The following PPM1A variants were observed in gnomAD, a reference collection of about 807,000 sequenced individuals.
PPM1A encodes protein phosphatase 1A.
Under a neutral mutation model 35.0 loss-of-function variants are expected in PPM1A, and 7 were observed. The ratio of observed to expected loss-of-function variants is 0.20; its 90% CI spans 0.11 to 0.38. The LOEUF is 0.38. Among genes scored for constraint, PPM1A ranks in the 10% least tolerant of loss-of-function variants. The pLI, the probability that PPM1A is intolerant of heterozygous loss-of-function variation, is 1.00. For missense variants in PPM1A, 239 were observed against 467.8 expected, an observed-to-expected ratio of 0.51 and a Z score of 4.51; for synonymous variants, 153 against 167.3, an observed-to-expected ratio of 0.91 and a Z score of 0.66.
chr14:60,269,605 A>G (rs1319586873), intron 1 of PPM1A, among the ~76,000 whole-genome samples: 2 of 151,856 alleles, frequency 1.3e-5, no homozygotes, highest in Non-Finnish European at 2.9e-5. Context: ...CTGGAGTGCA[A>G]TGGTGCGATC....
At chr14:60,265,715 G>C (rs956013946) in intron 1 of PPM1A, among the ~76,000 whole-genome samples, 3 of 152,188 alleles carry the variant, frequency 2.0e-5, no homozygotes, top group African/African-American at 7.2e-5. Context: ...TTGAGGGGCT[G>C]CGTCTGGTGA....
chr14:60,281,286 A>G (rs183259534), intron 1 of PPM1A, among the ~76,000 whole-genome samples: 6 of 152,328 alleles, frequency 3.9e-5, no homozygotes, highest in Admixed American at 3.9e-4. Flanking sequence ...TCGTTAGTTG[A>G]ACTGTACTAG....
intron 4 of PPM1A, among the ~76,000 whole-genome samples, chr14:60,290,330 T>C (rs532323628): frequency 6.6e-6 from 1 of 152,270 alleles, no homozygotes; most frequent in South Asian, 2.1e-4. Flanking sequence ...ATATGGACCA[T>C]GTTTCTATGC....
At position 60,291,464 on chromosome 14, in the gene PPM1A, A is replaced by G. The variant is rs1262006604; in HGVS notation, c.1119+10A>G. On this transcript the variant is annotated intron_variant, in intron 5 of 5. Coordinates refer to ENST00000395076, the MANE Select transcript of PPM1A (RefSeq NM_021003.5). Reference sequence around the variant, plus strand: ...CAAAAATGACGACACTGTAAGTAGCATTTTAGCTCCCTCTGCTTTCCCTTC... The same window carrying G: ...CAAAAATGACGACACTGTAAGTAGCGTTTTAGCTCCCTCTGCTTTCCCTTC... 6.4e-7 allele frequency: 1 copy of G among 1,567,000 alleles called. No individual in the cohort carries two copies. Among genetic ancestry groups the G allele is most frequent in the Non-Finnish European group, 8.7e-7 (1 of 1,148,402 alleles).
intron 1 of PPM1A, among the ~76,000 whole-genome samples, chr14:60,266,153 A>G (rs961748396): frequency 5.9e-5 from 9 of 152,142 alleles, no homozygotes; most frequent in African/African-American, 2.2e-4. Context: ...TCATTGCTCC[A>G]TATATTTATT....
At chr14:60,291,252 GCTCA>G (rs1184575839) in intron 4 of PPM1A, 141 bp from the exon 5 acceptor site, 2 of 502,534 alleles carry the variant, frequency 4.0e-6, no homozygotes, top group Non-Finnish European at 6.7e-6. Flanking sequence ...TAAAAGTGAG[GCTCA>G]CTATTGACAG....
intron 1 of PPM1A, among the ~76,000 whole-genome samples, chr14:60,280,820 G>T (rs984145156): frequency 6.6e-6 from 1 of 152,118 alleles, no homozygotes; most frequent in African/African-American, 2.4e-5. Flanking sequence ...CCCTACCCTG[G>T]AAATTCTGAT....
At chr14:60,274,509 A>G (rs940051898) in intron 1 of PPM1A, among the ~76,000 whole-genome samples, 1 of 151,822 alleles carries the variant, frequency 6.6e-6, no homozygotes, top group Admixed American at 6.5e-5. Flanking sequence ...AAAAGGAGAA[A>G]AAGGAAAATA....
intron 3 of PPM1A, chr14:60,288,073 C>A: frequency 1.0e-6 from 1 of 981,390 alleles, no homozygotes; most frequent in Non-Finnish European, 1.2e-6. Flanking sequence ...ATTTATTTTT[C>A]TTTTTTGAAA....
At chr14:60,285,151 C>T (rs190721902) in intron 2 of PPM1A, among the ~76,000 whole-genome samples, 29 of 152,068 alleles carry the variant, frequency 1.9e-4, no homozygotes, top group Non-Finnish European at 4.1e-4. Context: ...TGTATTAGCC[C>T]CACAATTTAT....
At chr14:60,290,665 T>C (rs959700359) in intron 4 of PPM1A, among the ~76,000 whole-genome samples, 2 of 152,170 alleles carry the variant, frequency 1.3e-5, no homozygotes, top group African/African-American at 2.4e-5. Flanking sequence ...AGTGAAGATA[T>C]ATTATTGACT....
Position 60,295,283 on chromosome 14 carries a change from A to G in PPM1A, c.*2801A>G, listed in dbSNP as rs576510286. The G allele has an allele frequency of 1.3e-5, 2 of 151,892 alleles. No homozygotes were observed. Among genetic ancestry groups the G allele is most frequent in the South Asian group, 4.1e-4 (2 of 4,828 alleles). 9.4% of individuals were successfully genotyped at this position (151,892 alleles called of 1,614,324 possible). A position where few individuals can be genotyped will look rare whatever the true frequency, so the allele number is the denominator to read the frequency against. ...TTTCATTAACAGGGTAGAATCTCCT[A>G]ATTTCCACTTTCTTGGGAATATACT... On this transcript the variant is annotated 3_prime_UTR_variant, in exon 6 of 6. Coordinates refer to ENST00000395076, the MANE Select transcript of PPM1A (RefSeq NM_021003.5).
In PPM1A at chr14:60,273,753, C is replaced by T. The variant is rs1434646018; in HGVS notation, c.-20-8931C>T. 6.6e-6 allele frequency among the ~76,000 whole-genome samples: 1 copy of T among 152,088 alleles called. No individual in the cohort carries two copies. The highest frequency in any genetic ancestry group is 1.5e-5 in the Non-Finnish European group (1 of 68,026). On this transcript the variant is annotated intron_variant, in intron 1 of 5. Coordinates refer to ENST00000395076, the MANE Select transcript of PPM1A (RefSeq NM_021003.5). This position sits in a 1 kb window ranked among gnomAD's most constrained non-coding sequence, Gnocchi z 4.3. Reference sequence around the variant, plus strand: ...AAAAAAGTGGACAGATTTGAGAATGCTTAGGAAGCATATAACCCATGGGAT... The same window carrying T: ...AAAAAAGTGGACAGATTTGAGAATGTTTAGGAAGCATATAACCCATGGGAT...
At chr14:60,255,414 G>A (rs575542342) in intron 1 of PPM1A, among the ~76,000 whole-genome samples, 27 of 151,706 alleles carry the variant, frequency 1.8e-4, no homozygotes, top group African/African-American at 4.8e-4. Flanking sequence ...CTCGTGATCC[G>A]CCCGCCTCGG....
Position 60,249,758 on chromosome 14 carries a change from C to A in PPM1A, c.-21+81C>A. The A allele has an allele frequency of 1.1e-6, 1 of 894,866 alleles. No individual in the cohort carries two copies. The highest frequency in any genetic ancestry group is 1.3e-6 in the Non-Finnish European group (1 of 747,580). The allele number at this position is 894,866 out of a possible 1,614,324, so 55.4% of individuals were successfully genotyped here. The stretch of plus-strand genomic sequence containing the variant: ...CGGCGGCGGCGGGCAGGCCTGGGGC[C>A]TGTAAACAAGCCGGGCGTCTGCCCG... On this transcript the variant is annotated intron_variant, in intron 1 of 5. Coordinates refer to ENST00000395076, the MANE Select transcript of PPM1A (RefSeq NM_021003.5). This position sits in a 1 kb window ranked among gnomAD's most constrained non-coding sequence, Gnocchi z 4.5.
Position 60,296,782 on chromosome 14 carries a change from T to C in PPM1A, c.*4300T>C, listed in dbSNP as rs572530525. 11 of 334,812 alleles carry C rather than the reference T, an allele frequency of 3.3e-5. No homozygotes were observed. The highest frequency in any genetic ancestry group is 6.1e-5 in the Non-Finnish European group (11 of 181,428). 20.7% of individuals were successfully genotyped at this position (334,812 alleles called of 1,614,324 possible). ...TAAGTCTCAGTTAAATGTTTGTTAT[T>C]ACTGATAGTCAAAATGCTCAATAGA... On this transcript the variant is annotated 3_prime_UTR_variant, in exon 6 of 6. Coordinates refer to ENST00000395076, the MANE Select transcript of PPM1A (RefSeq NM_021003.5). This position sits in a 1 kb window ranked among gnomAD's most constrained non-coding sequence, Gnocchi z 4.4.
chr14:60,274,645 G>A (rs905741506), intron 1 of PPM1A, among the ~76,000 whole-genome samples: 1 of 79,278 alleles, frequency 1.3e-5, no homozygotes, highest in Non-Finnish European at 2.6e-5. Context: ...AGTAGGAGGG[G>A]AGGGTTATGA....
At position 60,282,298 on chromosome 14, in the gene PPM1A, T is replaced by G. The variant is rs1400668181; in HGVS notation, c.-20-386T>G. On this transcript the variant is annotated intron_variant, in intron 1 of 5. Coordinates refer to ENST00000395076, the MANE Select transcript of PPM1A (RefSeq NM_021003.5). This position sits in a 1 kb window ranked among gnomAD's most constrained non-coding sequence, Gnocchi z 5.1. ...GATATATTTGAGTTAGTAGATTTTT[T>G]GGGTATGTCATGAATTCGTTTGGCT... is the stretch of plus-strand genomic sequence containing the variant. Among the ~76,000 whole-genome samples, 2 of 152,262 alleles carry G rather than the reference T, an allele frequency of 1.3e-5. No individual in the cohort carries two copies. The highest frequency in any genetic ancestry group is 3.8e-4 in the East Asian group (2 of 5,208).
At chr14:60,262,295 A>T (rs1883831909) in intron 1 of PPM1A, among the ~76,000 whole-genome samples, 1 of 152,210 alleles carries the variant, frequency 6.6e-6, no homozygotes, top group Non-Finnish European at 1.5e-5. Flanking sequence ...TGGCTAATCT[A>T]CAGGACTGAG....
Sources: gnomAD v4.1 joint callset for allele counts (sites outside exome capture counted in the v4.1 genomes callset) on GRCh38, gnomAD v4.1.1 for gene constraint, Gnocchi (gnomAD v3.1) non-coding constraint, MANE v1.5 for transcripts, NCBI Gene and HGNC (gene_info 2026-07-23, HGNC 2026-07-21) for gene names.